LGR6: variants seen among roughly 807,000 people sequenced by gnomAD.
LGR6 encodes the protein leucine-rich repeat-containing G protein-coupled receptor 6.
LGR6 carries 45 observed loss-of-function variants against 69.4 expected under a neutral mutation model. The ratio of observed to expected loss-of-function variants is 0.65; its 90% confidence interval spans 0.51 to 0.83. The LOEUF (loss-of-function observed/expected upper bound fraction) is 0.83. Among genes scored for constraint, LGR6 ranks in the 40% least tolerant of loss-of-function variants. The probability of loss-of-function intolerance (pLI) is 0.00; values close to 1 mark genes in which losing one functional copy is unlikely to be tolerated. For missense variants in LGR6, 1,108 were observed against 1,246.7 expected (o/e 0.89, Z 1.68); for synonymous variants, 538 against 555.0 (o/e 0.97, Z 0.43).
chr1:202,214,202 C>T (rs372072332), intron 1 of LGR6: 2 of 1,536,814 alleles, frequency 1.3e-6, no homozygotes, highest in Non-Finnish European at 1.7e-6. Flanking sequence ...GACAGAACCT[C>T]TCCCGGGCTG....
At chr1:202,198,414 G>T (rs549283939) in intron 1 of LGR6, among the ~76,000 whole-genome samples, 1 of 152,320 alleles carries the variant, frequency 6.6e-6, no homozygotes, top group East Asian at 1.9e-4. Context: ...AAAGGGTTTG[G>T]CATAATGTCT....
At chr1:202,302,060 G>A (rs989442185) in intron 9 of LGR6, among the ~76,000 whole-genome samples, 2 of 152,054 alleles carry the variant, frequency 1.3e-5, no homozygotes, top group Admixed American at 6.6e-5. Flanking sequence ...GGTGGTGCAT[G>A]CCTGTAGTCC....
At chr1:202,194,796 C>A (rs1222429219) in intron 1 of LGR6, among the ~76,000 whole-genome samples, 1 of 152,132 alleles carries the variant, frequency 6.6e-6, no homozygotes, top group Non-Finnish European at 1.5e-5. Context: ...TCTCCCTTCA[C>A]TGGGGCCTCC....
In LGR6 at chr1:202,254,613, A is replaced by T. The variant is rs142945827; in HGVS notation, c.428+18620A>T. On this transcript the variant is annotated intron_variant, in intron 4 of 17. Coordinates refer to ENST00000367278, the MANE Select transcript of LGR6 (RefSeq NM_001017403.2). ...CTGCCTTCAGTGAGTTTGTTACCAAATAAGGGCTGTGAGACATGTTCACAA... is the reference window on the plus strand; with the variant it reads ...CTGCCTTCAGTGAGTTTGTTACCAATTAAGGGCTGTGAGACATGTTCACAA... Among the ~76,000 whole-genome samples the T allele has an allele frequency of 5.2e-3, 798 of 152,336 alleles. 7 individuals carry two copies. The highest frequency in any genetic ancestry group is 7.8e-3 in the Non-Finnish European group (530 of 68,034).
chr1:202,306,997 C>A, intron 13 of LGR6, 58 bp downstream of exon 13: 1 of 1,412,418 alleles, frequency 7.1e-7, no homozygotes, highest in Non-Finnish European at 1.0e-6. Flanking sequence ...CTCTGCTAGG[C>A]ATGCTCATTG....
chr1:202,317,223 C>T (rs1482516421), intron 17 of LGR6, among the ~76,000 whole-genome samples: 1 of 152,204 alleles, frequency 6.6e-6, no homozygotes, highest in Non-Finnish European at 1.5e-5. Flanking sequence ...CTGATACCCT[C>T]TCCACTCCTT....
intron 6 of LGR6, among the ~76,000 whole-genome samples, chr1:202,293,935 CAATG>C (rs1366093301): frequency 6.6e-6 from 1 of 152,210 alleles, no homozygotes; most frequent in African/African-American, 2.4e-5. Flanking sequence ...TGGAACTACT[CAATG>C]GATTGCCTGG....
At chr1:202,204,213 GCA>G (rs60896562) in intron 1 of LGR6, among the ~76,000 whole-genome samples, 1 of 140,862 alleles carries the variant, frequency 7.1e-6, no homozygotes, top group East Asian at 2.1e-4. Context: ...CCTCCTTCAA[GCA>G]CACACACACA....
chr1:202,216,850 C>T (rs1216903537), intron 1 of LGR6, among the ~76,000 whole-genome samples: 1 of 152,348 alleles, frequency 6.6e-6, no homozygotes, highest in East Asian at 1.9e-4. Context: ...TATGCAATCC[C>T]AGTGCCACGC....
Position 202,243,745 on chromosome 1 carries a change from G to A in LGR6, c.428+7752G>A, listed in dbSNP as rs1264639388. Among the ~76,000 whole-genome samples the A allele has an allele frequency of 1.1e-4, 16 of 152,216 alleles. No homozygotes were observed. In the East Asian group the frequency reaches 2.7e-3, roughly 26 times the overall value. On this transcript the variant is annotated intron_variant, in intron 4 of 17. Transcript: ENST00000367278. The stretch of plus-strand genomic sequence containing the variant: ...AGCAAATCTTCAAGAGGGCCCAAGT[G>A]GGAGCCCTGGGTGATTCCAAGAGAA...
intron 12 of LGR6, chr1:202,306,659 T>C: frequency 1.6e-6 from 1 of 617,954 alleles, no homozygotes; most frequent in South Asian, 1.7e-5. Flanking sequence ...CAGGGATGGT[T>C]TTGTGGCTTT....
intron 3 of LGR6, among the ~76,000 whole-genome samples, chr1:202,234,055 G>C (rs1661313995): frequency 6.6e-6 from 1 of 152,228 alleles, no homozygotes. Flanking sequence ...TCTGTAACTG[G>C]AAAGGCCCCT....
Position 202,222,732 on chromosome 1 carries a change from C to T in LGR6, c.213-2691C>T, listed in dbSNP as rs191114334. Among the ~76,000 whole-genome samples, 400 of 152,270 alleles carry T rather than the reference C, an allele frequency of 2.6e-3. 1 individual carries two copies. The highest frequency in any genetic ancestry group is 9.5e-3 in the African/African-American group (395 of 41,570). The stretch of plus-strand genomic sequence containing the variant: ...TTCCCCTGACACTGTCCAGTGTGCT[C>T]CTGCACCTTCGCATTTCAGCCACAA... On this transcript the variant is annotated intron_variant, in intron 1 of 17. Transcript: ENST00000367278.
chr1:202,303,222 T>A (rs1667735298), intron 9 of LGR6, 57 bp from the exon 10 acceptor site: 2 of 1,270,162 alleles, frequency 1.6e-6, no homozygotes, highest in Admixed American at 3.4e-5. Context: ...GAATTGAGAG[T>A]CTTGATGTTG....
At chr1:202,303,393 T>G (rs1667751323) in intron 10 of LGR6, 46 bp downstream of exon 10, 1 of 1,476,620 alleles carries the variant, frequency 6.8e-7, no homozygotes, top group Non-Finnish European at 9.5e-7. Flanking sequence ...CCCAGCTTCA[T>G]TCCCAAGAGC....
chr1:202,318,579 C>G lies in LGR6; in HGVS notation c.2276C>G (p.Pro759Arg), dbSNP rs199572358. 2 of 1,613,902 alleles carry G rather than the reference C, an allele frequency of 1.2e-6. No homozygotes were observed. The highest frequency in any genetic ancestry group is 3.3e-5 in the Admixed American group (2 of 60,010). ...GAYIKLYCDL[P>R]RGDFEAVWDC... ...TACATCAAACTGTACTGTGACCTGC[C>G]GCGGGGCGACTTTGAGGCCGTGTGG... The change falls in exon 18 of 18, where the codon CCG (proline) becomes CGG (arginine). Residue 759 changes from proline (P) to arginine (R), a missense_variant. Transcript: ENST00000367278.
At chr1:202,277,054 C>T (rs1665617260) in intron 5 of LGR6, among the ~76,000 whole-genome samples, 1 of 152,180 alleles carries the variant, frequency 6.6e-6, no homozygotes, top group Admixed American at 6.5e-5. Flanking sequence ...GGGGTTAACT[C>T]TGCCTCCCCA....
chr1:202,203,956 C>T (rs930149802), intron 1 of LGR6: 25 of 952,354 alleles, frequency 2.6e-5, no homozygotes, highest in Non-Finnish European at 4.3e-5. Flanking sequence ...TGTGAAAATA[C>T]CAGGTAGTAT....
At chr1:202,249,119 C>T (rs1036405447) in intron 4 of LGR6, among the ~76,000 whole-genome samples, 5 of 152,200 alleles carry the variant, frequency 3.3e-5, no homozygotes, top group Admixed American at 2.0e-4. Flanking sequence ...CTCCTGACTT[C>T]GCTCTCTCCT....
Sources: gnomAD v4.1 joint callset for allele counts (sites outside exome capture counted in the v4.1 genomes callset) on GRCh38, gnomAD v4.1.1 for gene constraint, MANE v1.5 for transcripts, NCBI Gene and HGNC (gene_info 2026-07-23, HGNC 2026-07-21) for gene names.